The following TENM3 variants were observed in gnomAD, a reference collection of about 807,000 sequenced individuals.
TENM3 encodes teneurin-3.
TENM3 carries 63 observed loss-of-function variants against 255.1 expected under a neutral mutation model. That is an observed-to-expected ratio of 0.25 (90% CI 0.20 to 0.30). The LOEUF is 0.30. TENM3 is among the 10% of genes least tolerant of loss of function. The pLI is 1.00. For missense variants in TENM3, 2,929 were observed against 3,461.1 expected (o/e 0.85, Z 3.86); for synonymous variants, 1,306 against 1,322.3 (o/e 0.99, Z 0.27).
At chr4:182,544,124 T>TATATAACTA (rs895523277) in intron 3 of TENM3, among the ~76,000 whole-genome samples, 18 of 152,178 alleles carry the variant, frequency 1.2e-4, no homozygotes, top group African/African-American at 4.3e-4. Context: ...TCAATAAGTT[T>TATATAACTA]ATATAACTAA....
chr4:181,755,395 A>T, the TENM3 span, among the ~76,000 whole-genome samples: 1 of 151,910 alleles, frequency 6.6e-6, no homozygotes, highest in African/African-American at 2.4e-5. Context: ...CTGGTATAAC[A>T]TGATTCTAGG....
chr4:181,620,393 T>C, the TENM3 span, among the ~76,000 whole-genome samples: 96 of 152,314 alleles, frequency 6.3e-4, no homozygotes, highest in African/African-American at 2.1e-3. Context: ...GTTGGCCATG[T>C]GGAACTGGCA....
At chr4:181,581,248 CCGG>C in the TENM3 span, among the ~76,000 whole-genome samples, 1 of 152,052 alleles carries the variant, frequency 6.6e-6, no homozygotes, top group Admixed American at 6.6e-5. Context: ...TGAGACCAGC[CCGG>C]CCAACATGGT....
chr4:182,191,836 G>A (rs1753543309), intron 1 of TENM3, among the ~76,000 whole-genome samples: 1 of 152,070 alleles, frequency 6.6e-6, no homozygotes, highest in Admixed American at 6.6e-5. Context: ...AATCGTAACT[G>A]CATTTTAGAT....
At position 182,318,774 on chromosome 4, in the gene TENM3, G is replaced by C. The variant is rs547549147; in HGVS notation, c.-75-5172G>C. Among the ~76,000 whole-genome samples the C allele has an allele frequency of 9.2e-5, 14 of 152,178 alleles. 1 individual carries two copies. The South Asian group carries it at 1.0e-3, about 11-fold the overall frequency. On this transcript the variant is annotated intron_variant, in intron 1 of 27. Transcript: ENST00000511685. The stretch of plus-strand genomic sequence containing the variant: ...CAGTTCAATCAGAAGTTTTTTATCT[G>C]TTTTGTTTTTTGAGACAGAGTCGCA...
At chr4:181,537,080 T>C in the TENM3 span, among the ~76,000 whole-genome samples, 1 of 152,108 alleles carries the variant, frequency 6.6e-6, no homozygotes, top group Non-Finnish European at 1.5e-5. Context: ...TATTTGTCTT[T>C]CCTAAGTGAG....
At chr4:182,611,486 G>C (rs963981830) in intron 4 of TENM3, among the ~76,000 whole-genome samples, 1 of 151,746 alleles carries the variant, frequency 6.6e-6, no homozygotes, top group South Asian at 2.1e-4. Flanking sequence ...ATAAACATTT[G>C]TGTTGAAATT....
At chr4:181,468,082 G>C in the TENM3 span, among the ~76,000 whole-genome samples, 1 of 149,176 alleles carries the variant, frequency 6.7e-6, no homozygotes, top group Non-Finnish European at 1.5e-5. Context: ...GGTCACTTGA[G>C]CCCAGAAGTT....
At chr4:182,605,484 T>TAA (rs756985870) in intron 4 of TENM3, among the ~76,000 whole-genome samples, 25,776 of 114,338 alleles carry the variant, frequency 0.23, 2,769 homozygotes, top group South Asian at 0.31. Flanking sequence ...CATCATTTAT[T>TAA]TAAAAAAAAA....
the TENM3 span, among the ~76,000 whole-genome samples, chr4:182,106,409 G>A: frequency 6.6e-6 from 1 of 152,334 alleles, no homozygotes; most frequent in African/African-American, 2.4e-5. Context: ...GCAGTGAGCT[G>A]TGGTTGTGCT....
At chr4:182,473,586 T>C (rs1733369901) in intron 3 of TENM3, among the ~76,000 whole-genome samples, 1 of 151,976 alleles carries the variant, frequency 6.6e-6, no homozygotes, top group South Asian at 2.1e-4. Flanking sequence ...GGCAAGTGAA[T>C]GGCGTGAACT....
At chr4:182,380,598 ATGATAT>A (rs1286168774) in intron 3 of TENM3, among the ~76,000 whole-genome samples, 5 of 152,204 alleles carry the variant, frequency 3.3e-5, no homozygotes, top group African/African-American at 1.2e-4. Context: ...TGTGCTACTG[ATGATAT>A]TGATCAGTTT....
At chr4:181,555,773 T>C in the TENM3 span, among the ~76,000 whole-genome samples, 5 of 152,184 alleles carry the variant, frequency 3.3e-5, no homozygotes, top group Admixed American at 3.3e-4. Context: ...AGATATTGAA[T>C]GAAATGAATG....
chr4:182,731,697 GT>G (rs1561172541), intron 16 of TENM3, among the ~76,000 whole-genome samples: 1,338 of 76,540 alleles, frequency 0.017, 31 homozygotes, highest in African/African-American at 0.047. Flanking sequence ...GTGTTGGGGT[GT>G]GTGTGTGTGT....
chr4:181,728,061 A>T, the TENM3 span, among the ~76,000 whole-genome samples: 1 of 152,210 alleles, frequency 6.6e-6, no homozygotes, highest in African/African-American at 2.4e-5. Context: ...AAACAACATA[A>T]TGTTTCTAGA....
At chr4:182,518,946 T>C (rs1402614265) in intron 3 of TENM3, among the ~76,000 whole-genome samples, 4 of 152,194 alleles carry the variant, frequency 2.6e-5, no homozygotes, top group Admixed American at 1.3e-4. Context: ...ACGGGGCATA[T>C]ACTGGAAGTT....
intron 1 of TENM3, among the ~76,000 whole-genome samples, chr4:182,159,585 C>G (rs1200134661): frequency 6.6e-6 from 1 of 152,082 alleles, no homozygotes; most frequent in African/African-American, 2.4e-5. Flanking sequence ...AGCTCCTGCG[C>G]TGTATTTGGC....
At chr4:181,481,917 A>C in the TENM3 span, among the ~76,000 whole-genome samples, 2 of 152,174 alleles carry the variant, frequency 1.3e-5, no homozygotes, top group African/African-American at 4.8e-5. Flanking sequence ...CCTTAGAAAC[A>C]ATGTGGCTAA....
At chr4:182,583,254 G>T (rs1045368065) in intron 3 of TENM3, among the ~76,000 whole-genome samples, 3 of 150,834 alleles carry the variant, frequency 2.0e-5, no homozygotes, top group Non-Finnish European at 2.9e-5. Context: ...ATCTTGTCTA[G>T]ATTTATATTT....
Sources: gnomAD v4.1 joint callset for allele counts (sites outside exome capture counted in the v4.1 genomes callset) on GRCh38, gnomAD v4.1.1 for gene constraint, MANE v1.5 for transcripts, NCBI Gene and HGNC (gene_info 2026-07-23, HGNC 2026-07-21) for gene names.